Variants in WDR49 observed in about 807,000 individuals in gnomAD.
WDR49 encodes WD repeat domain 49, also known as cilia- and flagella-associated protein 337.
In WDR49, 107 loss-of-function variants were observed where a neutral mutation model predicts 119.5. The ratio of observed to expected loss-of-function variants is 0.90; its 90% CI spans 0.77 to 1.05. The LOEUF is 1.05. Ranked by LOEUF, WDR49 falls within the 50% of genes least tolerant of loss-of-function variation. The pLI, the probability that WDR49 is intolerant of heterozygous loss-of-function variation, is 0.00. For synonymous variants in WDR49, 425 were observed against 418.8 expected (o/e 1.01, Z -0.18); for missense variants, 1,240 against 1,220.5 (o/e 1.02, Z -0.24).
chr3:167,540,372 C>T (rs1174713216), intron 10 of WDR49, among the ~76,000 whole-genome samples: 2 of 152,148 alleles, frequency 1.3e-5, no homozygotes, highest in African/African-American at 4.8e-5. Flanking sequence ...GGACTCTTTG[C>T]AGACACTCCC....
chr3:167,596,965 G>T (rs958380236), intron 7 of WDR49, among the ~76,000 whole-genome samples: 1 of 131,228 alleles, frequency 7.6e-6, no homozygotes, highest in African/African-American at 2.8e-5. Context: ...AAAAAAAAAA[G>T]AAAAGAAAAA....
At position 167,488,544 on chromosome 3, in the gene WDR49, T is replaced by C. The variant is rs75569475; in HGVS notation, c.3032-9548A>G. On this transcript the variant is annotated intron_variant, in intron 18 of 18. Coordinates refer to ENST00000682715, the MANE Select transcript of WDR49 (RefSeq NM_001366157.1). The stretch of plus-strand genomic sequence containing the variant: ...AATTTTTAAAAAGTAAAAAATAAAG[T>C]AAATAAATAAATACAAAGCTTATCT... Among the ~76,000 whole-genome samples the C allele has an allele frequency of 4.1e-3, 625 of 152,094 alleles. 3 individuals are homozygous for C. The highest frequency in any genetic ancestry group is 0.014 in the African/African-American group (583 of 41,528).
chr3:167,573,836 G>C (rs944358602), intron 8 of WDR49, among the ~76,000 whole-genome samples: 5 of 152,114 alleles, frequency 3.3e-5, no homozygotes, highest in Admixed American at 3.3e-4. Context: ...CTCCCACGAT[G>C]TCTGCAAAGT....
chr3:167,513,063 G>C (rs2108221952), intron 16 of WDR49, among the ~76,000 whole-genome samples: 1 of 152,288 alleles, frequency 6.6e-6, no homozygotes, highest in East Asian at 1.9e-4. Flanking sequence ...TCTCAACCTA[G>C]CAAGACAGGC....
At chr3:167,631,020 A>G (rs554332198) in intron 2 of WDR49, among the ~76,000 whole-genome samples, 1 of 151,876 alleles carries the variant, frequency 6.6e-6, no homozygotes, top group South Asian at 2.1e-4. Context: ...CGCAACAATA[A>G]GCACAACATG....
intron 16 of WDR49, among the ~76,000 whole-genome samples, chr3:167,513,208 G>A (rs953955539): frequency 6.6e-6 from 1 of 152,006 alleles, no homozygotes; most frequent in African/African-American, 2.4e-5. Flanking sequence ...AGAGAGAAAG[G>A]CCAAGTCAAT....
intron 15 of WDR49, among the ~76,000 whole-genome samples, chr3:167,522,752 T>C (rs1396663985): frequency 6.6e-6 from 1 of 152,154 alleles, no homozygotes; most frequent in Non-Finnish European, 1.5e-5. Flanking sequence ...TACAAAAATT[T>C]TTTTACCATT....
intron 15 of WDR49, among the ~76,000 whole-genome samples, chr3:167,525,006 A>G (rs1752583435): frequency 6.6e-6 from 1 of 152,138 alleles, no homozygotes; most frequent in South Asian, 2.1e-4. Flanking sequence ...CAGTATGGCC[A>G]TTTTCATGAT....
At chr3:167,485,293 T>C (rs997429176) in intron 18 of WDR49, among the ~76,000 whole-genome samples, 1 of 151,848 alleles carries the variant, frequency 6.6e-6, no homozygotes, top group Non-Finnish European at 1.5e-5. Context: ...CAAACCACCA[T>C]GGCACATGGA....
intron 10 of WDR49, among the ~76,000 whole-genome samples, chr3:167,550,228 A>C (rs1712470071): frequency 6.6e-6 from 1 of 152,164 alleles, no homozygotes; most frequent in South Asian, 2.1e-4. Context: ...CAATTCTGTG[A>C]AGAAAGTCAT....
intron 7 of WDR49, among the ~76,000 whole-genome samples, chr3:167,595,056 C>A (rs1166468688): frequency 6.7e-6 from 1 of 149,628 alleles, no homozygotes; most frequent in Non-Finnish European, 1.5e-5. Flanking sequence ...AAATCACAAG[C>A]ATTCTTATAC....
At chr3:167,530,051 A>C (rs1043283268) in intron 13 of WDR49, among the ~76,000 whole-genome samples, 1 of 152,136 alleles carries the variant, frequency 6.6e-6, no homozygotes, top group African/African-American at 2.4e-5. Flanking sequence ...AGGAAATGAG[A>C]GTAATTTCAG....
At chr3:167,636,660 T>A (rs1281363105) in intron 2 of WDR49, among the ~76,000 whole-genome samples, 1 of 151,750 alleles carries the variant, frequency 6.6e-6, no homozygotes, top group African/African-American at 2.4e-5. Context: ...CATGTATTAG[T>A]TTTTGATTTT....
chr3:167,631,095 A>T (rs1717349001), intron 2 of WDR49, among the ~76,000 whole-genome samples: 1 of 151,722 alleles, frequency 6.6e-6, no homozygotes, highest in African/African-American at 2.4e-5. Context: ...GGTGGGGAAC[A>T]TCACACACCG....
chr3:167,522,487 GA>G lies in WDR49; in HGVS notation c.2605-4del, dbSNP rs748824752. The G allele has an allele frequency of 6.3e-7, 1 of 1,582,424 alleles. No homozygotes were observed. On this transcript the variant is annotated splice_region_variant and splice_polypyrimidine_tract_variant and intron_variant, in intron 15 of 18. Transcript: ENST00000682715. Reference sequence around the variant, plus strand: ...TTTTCAATATGCCAGTGCTTTGCCTGAAAAAAACGAAAACATCTGTTTTATT... The same window carrying G: ...TTTTCAATATGCCAGTGCTTTGCCTGAAAAAACGAAAACATCTGTTTTATT...
At position 167,604,369 on chromosome 3, in the gene WDR49, T is replaced by C. The variant is rs199755114; in HGVS notation, c.1058A>G (p.Asn353Ser). Residue 353 changes from asparagine to serine, a missense_variant, in exon 6 of 19, where the codon AAT (asparagine) becomes AGT (serine). Coordinates refer to ENST00000682715, the MANE Select transcript of WDR49 (RefSeq NM_001366157.1). ...AWREKSKKRL[N>S]MTSFNIAQGI... is the part of the protein sequence containing the mutation. ...CTGGGCAATGTTGAAGGATGTCATA[T>C]TAAGACGCTTTTTTGATTTCTCTCT... 3.3e-4 allele frequency: 527 copies of C among 1,613,776 alleles called. No homozygotes were observed. The highest frequency in any genetic ancestry group is 4.0e-4 in the Non-Finnish European group (469 of 1,179,908).
At chr3:167,623,398 C>T (rs916290642) in intron 3 of WDR49, among the ~76,000 whole-genome samples, 1 of 152,020 alleles carries the variant, frequency 6.6e-6, no homozygotes, top group Admixed American at 6.6e-5. Flanking sequence ...AAAAATCAAT[C>T]AATGTAATAC....
chr3:167,558,766 C>T (rs980705058), intron 9 of WDR49, among the ~76,000 whole-genome samples: 3 of 152,088 alleles, frequency 2.0e-5, no homozygotes, highest in African/African-American at 7.2e-5. Flanking sequence ...TAAGCCTTAC[C>T]CTAGATTCTA....
chr3:167,567,508 G>A (rs1241985682), intron 8 of WDR49, among the ~76,000 whole-genome samples: 2 of 152,148 alleles, frequency 1.3e-5, no homozygotes, highest in African/African-American at 4.8e-5. Context: ...GGAATTTATT[G>A]TTTCAGGTTT....
Sources: allele counts gnomAD v4.1 joint callset (sites outside exome capture counted in the v4.1 genomes callset), GRCh38; gene constraint gnomAD v4.1.1; transcripts MANE v1.5; gene names NCBI Gene and HGNC (gene_info 2026-07-23, HGNC 2026-07-21).